AGO2: variants seen among roughly 807,000 people sequenced by gnomAD.
AGO2 encodes argonaute RISC catalytic component 2.
Under a neutral mutation model 102.3 loss-of-function variants are expected in AGO2, and 5 were observed. The ratio of observed to expected loss-of-function variants is 0.05; its 90% CI spans 0.03 to 0.10. The LOEUF (loss-of-function observed/expected upper bound fraction) is 0.10. Ranked by LOEUF, AGO2 falls within the 10% of genes least tolerant of loss-of-function variation. AGO2 has a pLI of 1.00. For synonymous variants in AGO2, 449 were observed against 473.1 expected (o/e 0.95, Z 0.66); for missense variants, 541 against 1,183.7 (o/e 0.46, Z 7.97).
chr8:140,576,325 C>T lies in AGO2; in HGVS notation c.216-3393G>A, dbSNP rs562877137. Among the ~76,000 whole-genome samples the T allele has an allele frequency of 2.0e-5, 3 of 152,096 alleles. No homozygotes were observed. In the East Asian group the frequency reaches 5.8e-4, roughly 29 times the overall value. ...AGTGAGACTCTATCTCAAAAACAAACAAACAAAAACAAAAAGATGAGCAAT... is the reference window on the plus strand; with the variant it reads ...AGTGAGACTCTATCTCAAAAACAAATAAACAAAAACAAAAAGATGAGCAAT... On this transcript the variant is annotated intron_variant, in intron 2 of 18. Coordinates refer to ENST00000220592, the MANE Select transcript of AGO2 (RefSeq NM_012154.5).
At chr8:140,611,162 C>T (rs1325017632) in intron 1 of AGO2, among the ~76,000 whole-genome samples, 2 of 152,136 alleles carry the variant, frequency 1.3e-5, no homozygotes, top group Non-Finnish European at 2.9e-5. Context: ...GGTGAAACTG[C>T]AGGTGCATCT....
At position 140,528,618 on chromosome 8, in the gene AGO2, G is replaced by C. The variant is rs868246182; in HGVS notation, c.*3426C>G. ...TTCAAAGGAGTGTGAGACCACCACC[G>C]AAAAGCAACATCATCTGGAAAAGAA... On this transcript the variant is annotated 3_prime_UTR_variant, in exon 19 of 19. Transcript: ENST00000220592. The surrounding 1 kb of genome is among the most constrained non-coding windows in gnomAD (Gnocchi z 4.5). 1 of 152,132 alleles carries C rather than the reference G, an allele frequency of 6.6e-6. No individual in the cohort carries two copies. Among genetic ancestry groups the C allele is most frequent in the South Asian group, 2.1e-4 (1 of 4,832 alleles). The allele number at this position is 152,132 out of a possible 1,614,324, so 9.4% of individuals were successfully genotyped here.
At chr8:140,535,755 A>C (rs1162864937) in intron 16 of AGO2, among the ~76,000 whole-genome samples, 186 bp from the exon 17 acceptor site, 1 of 152,228 alleles carries the variant, frequency 6.6e-6, no homozygotes, top group Non-Finnish European at 1.5e-5. Context: ...AGGTTAAATG[A>C]ATTAATGTTC....
intron 10 of AGO2, among the ~76,000 whole-genome samples, chr8:140,552,734 GCGCGCGCACACA>G: frequency 7.5e-6 from 1 of 133,798 alleles, no homozygotes; most frequent in Admixed American, 7.7e-5. Context: ...ATGCACGCGC[GCGCGCGCACACA>G]CACACACACA....
chr8:140,534,269 T>TC (rs1238563935), intron 17 of AGO2, among the ~76,000 whole-genome samples: 3 of 152,072 alleles, frequency 2.0e-5, no homozygotes, highest in Non-Finnish European at 4.4e-5. Flanking sequence ...CAGAGAAGCA[T>TC]CCCCCGTTAG....
intron 4 of AGO2, 116 bp from the exon 5 acceptor site, chr8:140,560,626 C>T (rs1487426264): frequency 3.9e-6 from 5 of 1,287,316 alleles, no homozygotes; most frequent in Non-Finnish European, 5.3e-6. Flanking sequence ...TCCGTTTCCC[C>T]TCCTTTTAAA....
chr8:140,607,640 A>G (rs993360440), intron 1 of AGO2, among the ~76,000 whole-genome samples: 1 of 152,000 alleles, frequency 6.6e-6, no homozygotes, highest in African/African-American at 2.4e-5. Flanking sequence ...CTGCTATGAC[A>G]TGGATGAACC....
chr8:140,549,433 G>T (rs1477170507), intron 11 of AGO2, 135 bp from the exon 12 acceptor site: 2 of 849,292 alleles, frequency 2.4e-6, no homozygotes, highest in Non-Finnish European at 3.5e-6. Flanking sequence ...TGTTCTTAAA[G>T]TCCTGAATGA....
At chr8:140,621,648 G>A (rs1294906043) in intron 1 of AGO2, among the ~76,000 whole-genome samples, 1 of 152,132 alleles carries the variant, frequency 6.6e-6, no homozygotes, top group Admixed American at 6.6e-5. Flanking sequence ...GTACACTCTG[G>A]CATGAAGAAA....
intron 2 of AGO2, among the ~76,000 whole-genome samples, chr8:140,579,010 A>G (rs1314816815): frequency 2.0e-5 from 3 of 152,204 alleles, no homozygotes; most frequent in Non-Finnish European, 4.4e-5. Flanking sequence ...TCACATAACG[A>G]TAAAGCTAAA....
chr8:140,549,458 G>A (rs2072958113), intron 11 of AGO2, among the ~76,000 whole-genome samples, 160 bp from the exon 12 acceptor site: 1 of 152,266 alleles, frequency 6.6e-6, no homozygotes, highest in Non-Finnish European at 1.5e-5. Flanking sequence ...AGAATTCAGA[G>A]CTACATCTCC....
In AGO2 at chr8:140,540,330, G is replaced by A. The variant is rs1432198849; in HGVS notation, c.2034+834C>T. ...TTCCTAAGCTCCTGGGGCAGCCACG[G>A]AGGATGTCTTCCCACCCCACTGGGT... On this transcript the variant is annotated intron_variant, in intron 15 of 18. Coordinates refer to ENST00000220592, the MANE Select transcript of AGO2 (RefSeq NM_012154.5). The surrounding 1 kb of genome is among the most constrained non-coding windows in gnomAD (Gnocchi z 5.0). Among the ~76,000 whole-genome samples, 1 of 152,290 alleles carries A rather than the reference G, an allele frequency of 6.6e-6. No homozygotes were observed. The highest frequency in any genetic ancestry group is 1.5e-5 in the Non-Finnish European group (1 of 68,028).
rs777630370 is a variant in AGO2 at position 140,551,295 on chromosome 8, G to A, written c.1403+8C>T. 1.7e-5 allele frequency: 26 copies of A among 1,513,870 alleles called. No homozygotes were observed. The highest frequency in any genetic ancestry group is 7.2e-5 in the East Asian group (3 of 41,572). The allele number at this position is 1,513,870 out of a possible 1,614,324, so 93.8% of individuals were successfully genotyped here. A position where few individuals can be genotyped will look rare whatever the true frequency, so the allele number is the denominator to read the frequency against. On this transcript the variant is annotated splice_region_variant and intron_variant, in intron 11 of 18. Coordinates refer to ENST00000220592, the MANE Select transcript of AGO2 (RefSeq NM_012154.5). ...CCAGGCCGGAGCCTCTGCCTGTGGG[G>A]GGCTTACTTCAGATGGACTTCCGTG...
In AGO2 at chr8:140,532,533, T is replaced by C; in HGVS notation, c.2354A>G (p.Gln785Arg). ...GCAGCGCACGTAGGTGTGACACAGCTGGTAGGTTAGGATCTGCAGCTCATC... is the reference window on the plus strand; with the variant it reads ...GCAGCGCACGTAGGTGTGACACAGCCGGTAGGTTAGGATCTGCAGCTCATC... Reference protein sequence around the residue: ...SSDELQILTYQLCHTYVRCTR... With the variant: ...SSDELQILTYRLCHTYVRCTR... The change falls in exon 18 of 19, where the codon CAG (glutamine) becomes CGG (arginine). Residue 785 changes from glutamine (Q) to arginine (R), a missense_variant. Transcript: ENST00000220592. The C allele has an allele frequency of 6.2e-7, 1 of 1,614,250 alleles. No homozygotes were observed. Among genetic ancestry groups the C allele is most frequent in the Non-Finnish European group, 8.5e-7 (1 of 1,180,050 alleles).
At chr8:140,592,430 T>C (rs889857289) in intron 1 of AGO2, 1 of 152,234 alleles carries the variant, frequency 6.6e-6, no homozygotes, top group Non-Finnish European at 1.5e-5. Context: ...CACTAGAATG[T>C]AGGCACTGCA....
At chr8:140,560,607 CA>C in intron 4 of AGO2, 97 bp from the exon 5 acceptor site, 1 of 1,409,504 alleles carries the variant, frequency 7.1e-7, no homozygotes. Flanking sequence ...ACCACACCCT[CA>C]TCAGAGTTCC....
At chr8:140,561,109 C>T (rs1016243925) in intron 4 of AGO2, among the ~76,000 whole-genome samples, 1 of 152,242 alleles carries the variant, frequency 6.6e-6, no homozygotes, top group African/African-American at 2.4e-5. Context: ...CAACCTCTTC[C>T]GGGCCTGCTA....
intron 16 of AGO2, 146 bp from the exon 17 acceptor site, chr8:140,535,715 T>C: frequency 1.5e-6 from 1 of 671,448 alleles, no homozygotes; most frequent in Non-Finnish European, 2.7e-6. Flanking sequence ...TAGGATAGTG[T>C]TACATAAAAT....
intron 17 of AGO2, 62 bp from the exon 18 acceptor site, chr8:140,532,677 G>C: frequency 6.7e-7 from 1 of 1,499,310 alleles, no homozygotes. Flanking sequence ...GGATACTGTG[G>C]AGAAGATTTA....
Sources: gnomAD v4.1 joint callset for allele counts (sites outside exome capture counted in the v4.1 genomes callset) on GRCh38, gnomAD v4.1.1 for gene constraint, Gnocchi (gnomAD v3.1) non-coding constraint, MANE v1.5 for transcripts, NCBI Gene and HGNC (gene_info 2026-07-23, HGNC 2026-07-21) for gene names.